CRPPA: variants seen among roughly 807,000 people sequenced by gnomAD.
CRPPA encodes D-ribitol-5-phosphate cytidylyltransferase.
A neutral mutation model predicts 52.0 loss-of-function variants in CRPPA; 43 were observed. That is an observed-to-expected ratio of 0.83 (90% CI 0.65 to 1.07). CRPPA has a LOEUF of 1.07. CRPPA is among the 50% of genes least tolerant of loss of function. The pLI is 0.00. For missense variants in CRPPA, 629 were observed against 551.7 expected, an observed-to-expected ratio of 1.14 and a Z score of -1.40; for synonymous variants, 250 against 203.5, an observed-to-expected ratio of 1.23 and a Z score of -1.94.
chr7:16,116,535 C>G (rs1782373904), intron 9 of CRPPA, among the ~76,000 whole-genome samples: 1 of 151,726 alleles, frequency 6.6e-6, no homozygotes, highest in Non-Finnish European at 1.5e-5. Flanking sequence ...CCTGGTGGCA[C>G]TTGCCTGTAA....
intron 3 of CRPPA, among the ~76,000 whole-genome samples, chr7:16,336,252 C>T (rs2128431711): frequency 6.6e-6 from 1 of 152,180 alleles, no homozygotes; most frequent in South Asian, 2.1e-4. Context: ...AAATTAATCC[C>T]TTTTAAAAGA....
chr7:16,098,777 C>T (rs1781981804), intron 9 of CRPPA, among the ~76,000 whole-genome samples: 1 of 152,170 alleles, frequency 6.6e-6, no homozygotes, highest in African/African-American at 2.4e-5. Context: ...GGCACACTGT[C>T]CCCTAGTGGA....
At chr7:16,381,730 C>T (rs894847693) in intron 2 of CRPPA, among the ~76,000 whole-genome samples, 6 of 151,906 alleles carry the variant, frequency 3.9e-5, no homozygotes, top group Admixed American at 3.9e-4. Context: ...GAATTGATCC[C>T]TTTACCATTA....
intron 9 of CRPPA, among the ~76,000 whole-genome samples, chr7:16,171,515 C>T (rs1781186234): frequency 6.6e-6 from 1 of 152,120 alleles, no homozygotes; most frequent in African/African-American, 2.4e-5. Flanking sequence ...GCCTGTAATC[C>T]CAGCACTTTG....
At chr7:16,150,380 C>T (rs554239889) in intron 9 of CRPPA, among the ~76,000 whole-genome samples, 33 of 152,102 alleles carry the variant, frequency 2.2e-4, no homozygotes, top group African/African-American at 5.5e-4. Context: ...CAACATTAAC[C>T]GAACAGCTAT....
intron 1 of CRPPA, among the ~76,000 whole-genome samples, chr7:16,418,752 C>T (rs1788254426): frequency 6.6e-6 from 1 of 152,178 alleles, no homozygotes; most frequent in Non-Finnish European, 1.5e-5. Flanking sequence ...TCCACCTGAT[C>T]TCTCCTTTAA....
At chr7:16,229,545 T>C (rs1583449206) in intron 8 of CRPPA, among the ~76,000 whole-genome samples, 1 of 132,594 alleles carries the variant, frequency 7.5e-6, no homozygotes, top group Middle Eastern at 4.0e-3. Flanking sequence ...ACTACACATT[T>C]ACTTCACTCA....
chr7:16,362,486 T>G (rs894602663), intron 3 of CRPPA, among the ~76,000 whole-genome samples: 2 of 152,064 alleles, frequency 1.3e-5, no homozygotes, highest in Non-Finnish European at 2.9e-5. Context: ...AGAGTCCTAC[T>G]CCTAATGTCA....
Position 16,301,815 on chromosome 7 carries a change from G to A in CRPPA, c.790-349C>T, listed in dbSNP as rs545543932. Among the ~76,000 whole-genome samples the A allele has an allele frequency of 1.8e-4, 27 of 152,164 alleles. 1 individual carries two copies. Among genetic ancestry groups the A allele is most frequent in the Admixed American group, 7.9e-4 (12 of 15,282 alleles). ...TTTTATACTAGAGAAAAAAAGGTAG[G>A]GTGGAAGTCTCTGTATAACAAAAAA... On this transcript the variant is annotated intron_variant, in intron 4 of 9. Transcript: ENST00000407010.
rs1360874119 is a variant in CRPPA, at chr7:16,088,373, G to C, written c.*3322C>G. On this transcript the variant is annotated 3_prime_UTR_variant, in exon 10 of 10. Transcript: ENST00000407010. Reference sequence around the variant, plus strand: ...TTACTAAAGTAAATTTACAGAAGCAGTGATGAAAATGTAACTGTAAAGTTA... The same window carrying C: ...TTACTAAAGTAAATTTACAGAAGCACTGATGAAAATGTAACTGTAAAGTTA... 2.0e-5 allele frequency: 3 copies of C among 150,354 alleles called. No individual in the cohort carries two copies. The highest frequency in any genetic ancestry group is 4.4e-5 in the Non-Finnish European group (3 of 67,774). The allele number at this position is 150,354 out of a possible 1,614,324, so 9.3% of individuals were successfully genotyped here. A position where few individuals can be genotyped will look rare whatever the true frequency, so the allele number is the denominator to read the frequency against.
At chr7:16,271,826 C>A (rs557307953) in intron 6 of CRPPA, among the ~76,000 whole-genome samples, 111 of 152,256 alleles carry the variant, frequency 7.3e-4, no homozygotes, top group African/African-American at 2.4e-3. Context: ...TTATCCCCAA[C>A]TGGACAATAT....
At chr7:16,196,874 T>C (rs1781748896) in intron 9 of CRPPA, among the ~76,000 whole-genome samples, 1 of 152,182 alleles carries the variant, frequency 6.6e-6, no homozygotes, top group South Asian at 2.1e-4. Flanking sequence ...GTTTCCATAC[T>C]AATGTGTTTT....
At chr7:16,286,489 C>T (rs375584500) in intron 5 of CRPPA, among the ~76,000 whole-genome samples, 8 of 152,176 alleles carry the variant, frequency 5.3e-5, no homozygotes, top group East Asian at 1.9e-4. Context: ...ACTAATAATT[C>T]CCAGGTTCTC....
Position 16,404,540 on chromosome 7 carries a change from C to A in CRPPA, c.534+1521G>T, listed in dbSNP as rs1054348478. On this transcript the variant is annotated intron_variant, in intron 2 of 9. Coordinates refer to ENST00000407010, the MANE Select transcript of CRPPA (RefSeq NM_001101426.4). ...TCAGAAATACTTTCTGCTTATTACT[C>A]AACAACAACAAAAAAAATTGCAAAT... Among the ~76,000 whole-genome samples the A allele has an allele frequency of 2.0e-5, 3 of 149,934 alleles. No individual in the cohort carries two copies. In the Admixed American group the frequency reaches 2.0e-4, roughly 10 times the overall value.
intron 2 of CRPPA, among the ~76,000 whole-genome samples, chr7:16,382,252 G>A (rs962019673): frequency 6.6e-6 from 1 of 152,088 alleles, no homozygotes; most frequent in Non-Finnish European, 1.5e-5. Flanking sequence ...CACTTATGAA[G>A]CTTAGTTTAG....
intron 3 of CRPPA, among the ~76,000 whole-genome samples, chr7:16,364,985 C>A (rs1404950483): frequency 1.3e-5 from 2 of 152,158 alleles, no homozygotes; most frequent in Non-Finnish European, 2.9e-5. Flanking sequence ...TTATAAAGGT[C>A]AATATCAAGT....
chr7:16,417,644 G>C (rs1041980776), intron 1 of CRPPA, among the ~76,000 whole-genome samples: 1 of 152,096 alleles, frequency 6.6e-6, no homozygotes, highest in Non-Finnish European at 1.5e-5. Context: ...AGAGGGAGGA[G>C]GGAGGGGGCA....
At chr7:16,367,217 C>T (rs1360007998) in intron 3 of CRPPA, among the ~76,000 whole-genome samples, 1 of 152,090 alleles carries the variant, frequency 6.6e-6, no homozygotes, top group Non-Finnish European at 1.5e-5. Context: ...TACTATACCC[C>T]TTGCTCCCTG....
At chr7:16,291,115 A>C (rs1307277633) in intron 5 of CRPPA, among the ~76,000 whole-genome samples, 2 of 152,036 alleles carry the variant, frequency 1.3e-5, no homozygotes, top group Admixed American at 1.3e-4. Context: ...ATTATCAAAA[A>C]CACAAAAAAT....
Sources: gnomAD v4.1 joint callset for allele counts (sites outside exome capture counted in the v4.1 genomes callset) on GRCh38, gnomAD v4.1.1 for gene constraint, MANE v1.5 for transcripts, NCBI Gene and HGNC (gene_info 2026-07-23, HGNC 2026-07-21) for gene names.